RHBG: variants seen among roughly 807,000 people sequenced by gnomAD.
RHBG encodes the protein Rh family B glycoprotein.
A neutral mutation model predicts 40.1 loss-of-function variants in RHBG; 39 were observed. The observed-to-expected ratio is 0.97, with a 90% confidence interval of 0.75 to 1.27. RHBG has a LOEUF of 1.27. RHBG is among the 50% of genes most tolerant of loss of function. The pLI is 0.00. For missense variants in RHBG, 549 were observed against 588.1 expected (o/e 0.93, Z 0.69); for synonymous variants, 237 against 252.5 (o/e 0.94, Z 0.58).
In RHBG at chr1:156,378,267, G is replaced by A. The variant is rs779260313; in HGVS notation, c.541G>A (p.Gly181Ser). ...ACCTCCCCAGGTGAGAGATGCCGGA[G>A]GCTCCATGACTATCCACACCTTTGG... is the stretch of plus-strand genomic sequence containing the variant. ...LHLLGVRDAG[G>S]SMTIHTFGAY... Residue 181 changes from glycine to serine, a missense_variant, in exon 4 of 10, where the codon GGC becomes AGC. Around this residue, in one of 3 missense-constraint regions of RHBG, gnomAD observed 399 missense variants for 417.0 expected, o/e 0.96. Transcript: ENST00000537040. 5.5e-5 allele frequency: 89 copies of A among 1,614,028 alleles called. No individual in the cohort carries two copies. The South Asian group carries it at 9.6e-4, about 17-fold the overall frequency.
intron 4 of RHBG, 142 bp from the exon 5 acceptor site, chr1:156,381,204 AG>A (rs1157084597): frequency 1.1e-6 from 1 of 870,316 alleles, no homozygotes; most frequent in African/African-American, 1.7e-5. Context: ...GCCCAGCCCA[AG>A]GTGGTATTAT....
chr1:156,383,386 C>T lies in RHBG; in HGVS notation c.1234+517C>T, dbSNP rs181307346. 3.3e-5 allele frequency among the ~76,000 whole-genome samples: 5 copies of T among 152,384 alleles called. No homozygotes were observed. In the East Asian group the frequency reaches 9.6e-4, roughly 29 times the overall value. ...CTGTCTCCCGGGTTCAAGCCATTCT[C>T]CTGCCTCAGCCTCCGAGTAGCTGGG... On this transcript the variant is annotated intron_variant, in intron 8 of 9. Coordinates refer to ENST00000537040, the MANE Select transcript of RHBG (RefSeq NM_020407.5).
chr1:156,377,319 C>G lies in RHBG; in HGVS notation c.206C>G (p.Ala69Gly). The G allele has an allele frequency of 1.9e-6, 3 of 1,614,146 alleles. No homozygotes were observed. Among genetic ancestry groups the G allele is most frequent in the Non-Finnish European group, 2.5e-6 (3 of 1,179,964 alleles). ...GCTGCAGGCTTCCAGGACGTGCATG[C>G]CATGGTCTTCGTGGGCTTTGGCTTC... is the stretch of plus-strand genomic sequence containing the variant. Reference protein sequence around the residue: ...FRYPSFQDVHAMVFVGFGFLM... With the variant: ...FRYPSFQDVHGMVFVGFGFLM... Residue 69 changes from alanine to glycine, a missense_variant, in exon 2 of 10, where the codon GCC (alanine) becomes GGC (glycine). Transcript: ENST00000537040. The surrounding 1 kb of genome is among the most constrained non-coding windows in gnomAD (Gnocchi z 4.6).
At position 156,369,287 on chromosome 1, in the gene RHBG, T is replaced by C; in HGVS notation, c.38T>C (p.Leu13Pro). The C allele has an allele frequency of 1.2e-6, 2 of 1,613,930 alleles. No individual in the cohort carries two copies. Among genetic ancestry groups the C allele is most frequent in the South Asian group, 2.2e-5 (2 of 91,074 alleles). The stretch of plus-strand genomic sequence containing the variant: ...CCTAGCCGCGCCGCGGGCCGGCGAC[T>C]GCAGCTTCCCCTGCTGTGCCTCTTC... ...GSPSRAAGRR[L>P]QLPLLCLFLQ... The change falls in exon 1 of 10, where the codon CTG becomes CCG. Residue 13 changes from leucine to proline, a missense_variant. Coordinates refer to ENST00000537040, the MANE Select transcript of RHBG (RefSeq NM_020407.5).
intron 1 of RHBG, among the ~76,000 whole-genome samples, chr1:156,374,362 A>G (rs72710231): frequency 8.9e-4 from 136 of 152,184 alleles, no homozygotes; most frequent in Admixed American, 1.8e-3. Flanking sequence ...TCTTAGATGT[A>G]ATTAACTGTA....
chr1:156,369,224 C>A lies in RHBG; in HGVS notation c.-26C>A, dbSNP rs752134709. On this transcript the variant is annotated 5_prime_UTR_variant, in exon 1 of 10. Coordinates refer to ENST00000537040, the MANE Select transcript of RHBG (RefSeq NM_020407.5). ...GGAATTGTCTGCCAAAGCCTGCGAG[C>A]GCCAGCCGAGATCGCAGCCCAACCC... The A allele has an allele frequency of 1.9e-6, 3 of 1,604,374 alleles. No homozygotes were observed. In the Admixed American group the frequency reaches 5.1e-5, roughly 27 times the overall value.
chr1:156,380,879 ATTACCAC>A (rs1553192597), intron 4 of RHBG, among the ~76,000 whole-genome samples: 2 of 152,006 alleles, frequency 1.3e-5, no homozygotes, highest in Non-Finnish European at 2.9e-5. Context: ...GCCTCATTTA[ATTACCAC>A]TTGATGAGGT....
At position 156,382,217 on chromosome 1, in the gene RHBG, A is replaced by G. The variant is rs765323176; in HGVS notation, c.1112+16A>G. On this transcript the variant is annotated intron_variant, in intron 7 of 9. Coordinates refer to ENST00000537040, the MANE Select transcript of RHBG (RefSeq NM_020407.5). ...ACGGAGATGGGTGAGTTTCCTCCCAACCCGTACTGCAGTCGTCATCCATCT... is the reference window on the plus strand; with the variant it reads ...ACGGAGATGGGTGAGTTTCCTCCCAGCCCGTACTGCAGTCGTCATCCATCT... 5.0e-6 allele frequency: 8 copies of G among 1,613,460 alleles called. No homozygotes were observed. In the African/African-American group the frequency reaches 9.4e-5, roughly 19 times the overall value.
chr1:156,384,861 T>C lies in RHBG; in HGVS notation c.*16T>C. 2.6e-6 allele frequency: 4 copies of C among 1,541,726 alleles called. No homozygotes were observed. Among genetic ancestry groups the C allele is most frequent in the Non-Finnish European group, 3.6e-6 (4 of 1,117,888 alleles). On this transcript the variant is annotated 3_prime_UTR_variant, in exon 10 of 10. Transcript: ENST00000537040. ...TCAGGCCTAACCCACTGCCAGCCCC[T>C]GAGAGGACACGCTCCTTTTCGAAGA...
rs767354531 is a variant in RHBG, at chr1:156,384,828, G to T, written c.1360G>T (p.Ala454Ser). 5.0e-6 allele frequency: 8 copies of T among 1,612,968 alleles called. No homozygotes were observed. In the South Asian group the frequency reaches 7.7e-5, roughly 16 times the overall value. Residue 454 changes from alanine to serine, a missense_variant, in exon 10 of 10, where the codon GCA becomes TCA. By Grantham distance (99) the Ala-to-Ser change is moderately conservative. This residue lies in a region of RHBG where 399 missense variants were observed against 417.0 expected (regional missense o/e 0.96). Transcript: ENST00000537040. ...CCAGAGACCTCTGAGGGTGGAGGAG[G>T]CAGACACTCAGGCCTAACCCACTGC... ...KAQRPLRVEE[A>S]DTQA
At chr1:156,384,126 G>A (rs952937021) in intron 8 of RHBG, among the ~76,000 whole-genome samples, 8 of 152,184 alleles carry the variant, frequency 5.3e-5, no homozygotes, top group Non-Finnish European at 1.2e-4. Flanking sequence ...GAGCCACTGC[G>A]CCCGGCCACA....
Position 156,378,152 on chromosome 1 carries a change from G to C in RHBG, c.525+12G>C, listed in dbSNP as rs1667350702. 1.2e-6 allele frequency: 2 copies of C among 1,607,940 alleles called. No individual in the cohort carries two copies. The highest frequency in any genetic ancestry group is 3.4e-5 in the Admixed American group (2 of 59,498). ...TTCATCTCCTGGGGGTGAGAGTCTG[G>C]GGAGGGATGGAGTCGGGGGTGGGGG... On this transcript the variant is annotated intron_variant, in intron 3 of 9. Transcript: ENST00000537040.
At position 156,377,079 on chromosome 1, in the gene RHBG, A is replaced by T. The variant is rs367922366; in HGVS notation, c.188-222A>T. ...GAAGGCTTTACTCCCTTGCTCTGACACGAGGACAGCAGGGATGTCGGGGTC... is the reference window on the plus strand; with the variant it reads ...GAAGGCTTTACTCCCTTGCTCTGACTCGAGGACAGCAGGGATGTCGGGGTC... On this transcript the variant is annotated intron_variant, in intron 1 of 9. Transcript: ENST00000537040. This position sits in a 1 kb window ranked among gnomAD's most constrained non-coding sequence, Gnocchi z 4.6. 3.3e-5 allele frequency among the ~76,000 whole-genome samples: 5 copies of T among 152,348 alleles called. No individual in the cohort carries two copies. The East Asian group carries it at 9.6e-4, about 29-fold the overall frequency.
rs1667307054 is a variant in RHBG at position 156,377,608 on chromosome 1, G to A, written c.374+121G>A. 1 of 1,021,740 alleles carries A rather than the reference G, an allele frequency of 9.8e-7. No homozygotes were observed. Among genetic ancestry groups the A allele is most frequent in the Non-Finnish European group, 1.4e-6 (1 of 712,600 alleles). The allele number at this position is 1,021,740 out of a possible 1,614,324, so 63.3% of individuals were successfully genotyped here. ...TGACTCACGATTCTGGGCGTCACTT[G>A]GTTTCTCTAGGTGTCCTGCCTGTCC... On this transcript the variant is annotated intron_variant, in intron 2 of 9. Transcript: ENST00000537040. This position sits in a 1 kb window ranked among gnomAD's most constrained non-coding sequence, Gnocchi z 4.6.
chr1:156,372,550 GT>G (rs748835558), intron 1 of RHBG, among the ~76,000 whole-genome samples: 1 of 152,202 alleles, frequency 6.6e-6, no homozygotes, highest in Non-Finnish European at 1.5e-5. Flanking sequence ...CTTGGAAGAG[GT>G]GGGGGATGAA....
intron 1 of RHBG, among the ~76,000 whole-genome samples, chr1:156,370,632 A>AG (rs1382065525): frequency 1.3e-5 from 2 of 150,568 alleles, no homozygotes; most frequent in African/African-American, 4.9e-5. Context: ...AAAAAAAAAA[A>AG]AAAAAAAAGA....
chr1:156,371,254 G>C (rs1363726137), intron 1 of RHBG: 2 of 352,804 alleles, frequency 5.7e-6, no homozygotes, highest in African/African-American at 2.3e-5. Flanking sequence ...TCACCTCCCA[G>C]GTTCAAGCGA....
Position 156,377,335 on chromosome 1 carries a change from C to G in RHBG, c.222C>G (p.Gly74=). ...FQDVHAMVFV[G]FGFLMVFLQR... Reference sequence around the variant, plus strand: ...ACGTGCATGCCATGGTCTTCGTGGGCTTTGGCTTCCTCATGGTCTTCCTGC... The same window carrying G: ...ACGTGCATGCCATGGTCTTCGTGGGGTTTGGCTTCCTCATGGTCTTCCTGC... The change falls in exon 2 of 10, where the codon GGC becomes GGG. Residue 74 remains glycine (G), a synonymous_variant. Transcript: ENST00000537040. The surrounding 1 kb of genome is among the most constrained non-coding windows in gnomAD (Gnocchi z 4.6). 6.2e-7 allele frequency: 1 copy of G among 1,614,188 alleles called. No homozygotes were observed. Among genetic ancestry groups the G allele is most frequent in the African/African-American group, 1.3e-5 (1 of 75,052 alleles).
intron 1 of RHBG, among the ~76,000 whole-genome samples, chr1:156,375,520 G>A (rs1667133821): frequency 1.3e-5 from 2 of 151,538 alleles, no homozygotes; most frequent in Admixed American, 1.3e-4. Context: ...CTAAAGTTCA[G>A]TAATTGAGCC....
Sources: gnomAD v4.1 joint callset for allele counts (sites outside exome capture counted in the v4.1 genomes callset) on GRCh38, gnomAD v4.1.1 for gene constraint, gnomAD v4.1.1 regional missense constraint, Gnocchi (gnomAD v3.1) non-coding constraint, MANE v1.5 for transcripts, NCBI Gene and HGNC (gene_info 2026-07-23, HGNC 2026-07-21) for gene names.